Variants in GAK observed in about 807,000 individuals in gnomAD.
GAK encodes the protein cyclin G associated kinase.
In GAK, 79 loss-of-function variants were observed where a neutral mutation model predicts 143.9. The ratio of observed to expected loss-of-function variants is 0.55; its 90% CI spans 0.46 to 0.66. GAK has a LOEUF of 0.66. Ranked by LOEUF, GAK falls within the 30% of genes least tolerant of loss-of-function variation. The probability of loss-of-function intolerance (pLI) is 0.00; values close to 1 mark genes in which losing one functional copy is unlikely to be tolerated. For missense variants in GAK, 1,693 were observed against 1,779.7 expected, an observed-to-expected ratio of 0.95 and a Z score of 0.88; for synonymous variants, 881 against 765.5, an observed-to-expected ratio of 1.15 and a Z score of -2.49.
At chr4:874,391 T>C (rs1713383335) in intron 18 of GAK, among the ~76,000 whole-genome samples, 1 of 152,220 alleles carries the variant, frequency 6.6e-6, no homozygotes, top group Non-Finnish European at 1.5e-5. Flanking sequence ...CTTGCTGAAA[T>C]GGAGCAGTTC....
At chr4:881,838 C>G in intron 15 of GAK, 69 bp downstream of exon 15, 1 of 1,495,290 alleles carries the variant, frequency 6.7e-7, no homozygotes, top group Non-Finnish European at 9.0e-7. Flanking sequence ...CAGGAGACAC[C>G]ACAGCGGGGG....
chr4:920,689 G>A (rs749700647), intron 1 of GAK, among the ~76,000 whole-genome samples: 4 of 151,540 alleles, frequency 2.6e-5, no homozygotes, highest in Non-Finnish European at 4.4e-5. Context: ...GACTACAGGC[G>A]CCCACCACCA....
intron 9 of GAK, 82 bp downstream of exon 9, chr4:893,294 CT>C: frequency 9.9e-7 from 1 of 1,008,250 alleles, no homozygotes; most frequent in African/African-American, 1.7e-5. Flanking sequence ...ATGTGCCTCC[CT>C]CCCCTCTGCG....
At position 932,234 on chromosome 4, in the gene GAK, G is replaced by C. The variant is rs1560462459; in HGVS notation, c.-47C>G. Reference sequence around the variant, plus strand: ...CGCGGCAGCCGGAGTGGTCGGGCTCGGGCTCCCGCTCCCTCGCCGTCCGGG... The same window carrying C: ...CGCGGCAGCCGGAGTGGTCGGGCTCCGGCTCCCGCTCCCTCGCCGTCCGGG... On this transcript the variant is annotated 5_prime_UTR_variant, in exon 1 of 28. Coordinates refer to ENST00000314167, the MANE Select transcript of GAK (RefSeq NM_005255.4). The surrounding 1 kb of genome is among the most constrained non-coding windows in gnomAD (Gnocchi z 4.0). 3 of 1,484,026 alleles carry C rather than the reference G, an allele frequency of 2.0e-6. No homozygotes were observed. The highest frequency in any genetic ancestry group is 8.9e-7 in the Non-Finnish European group (1 of 1,122,010). 91.9% of individuals were successfully genotyped at this position (1,484,026 alleles called of 1,614,324 possible).
intron 7 of GAK, among the ~76,000 whole-genome samples, chr4:895,582 T>C (rs1220745921): frequency 6.6e-6 from 1 of 152,224 alleles, no homozygotes; most frequent in East Asian, 1.9e-4. Context: ...CTGTGGCTGA[T>C]GGCACGGCTG....
intron 1 of GAK, among the ~76,000 whole-genome samples, chr4:924,788 G>A (rs1560447014): frequency 6.6e-6 from 1 of 151,594 alleles, no homozygotes. Context: ...AGGATAGTGA[G>A]TGCTCTCCTG....
intron 23 of GAK, among the ~76,000 whole-genome samples, chr4:861,227 C>T (rs1313351595): frequency 1.3e-5 from 2 of 152,074 alleles, no homozygotes; most frequent in Non-Finnish European, 2.9e-5. Context: ...CAGGTGAACA[C>T]AAGAGTTGCA....
chr4:878,477 T>C (rs971722868), intron 15 of GAK, among the ~76,000 whole-genome samples: 32 of 151,982 alleles, frequency 2.1e-4, no homozygotes, highest in Admixed American at 1.0e-3. Context: ...GCATATTCCA[T>C]GTGCATTTGA....
chr4:932,064 C>T lies in GAK; in HGVS notation c.124G>A (p.Val42Met). 2.5e-6 allele frequency: 4 copies of T among 1,601,470 alleles called. No homozygotes were observed. The South Asian group carries it at 4.5e-5, about 18-fold the overall frequency. Residue 42 changes from valine (V) to methionine (M), a missense_variant, in exon 1 of 28, where the codon GTG (valine) becomes ATG (methionine). Val to Met is a conservative substitution (Grantham distance 21, BLOSUM62 1). This residue lies in a region of GAK where 871 missense variants were observed against 991.0 expected (regional missense o/e 0.88). Coordinates refer to ENST00000314167, the MANE Select transcript of GAK (RefSeq NM_005255.4). This position sits in a 1 kb window ranked among gnomAD's most constrained non-coding sequence, Gnocchi z 4.0. ...TCACCTTCGGCCAGGACCCGCCGCA[C>T]CCGCAGCCGCAGCTCGCCCAGTTCC... ...TVELGELRLR[V>M]RRVLAEGGFA...
chr4:926,813 T>C lies in GAK; in HGVS notation c.145+5230A>G, dbSNP rs867671368. 5.7e-3 allele frequency among the ~76,000 whole-genome samples: 753 copies of C among 132,546 alleles called. 7 individuals are homozygous for C. Among genetic ancestry groups the C allele is most frequent in the African/African-American group, 0.02 (706 of 35,770 alleles). The allele number at this position is 132,546 out of a possible 152,430, so 87.0% of individuals were successfully genotyped here. On this transcript the variant is annotated intron_variant, in intron 1 of 27. Transcript: ENST00000314167. ...CTAACCAAGCCCCAGAGACCCTGCT[T>C]ACCTGCGCTCCGCACTGCCCCGCAC...
chr4:860,735 A>AC (rs1750127946), intron 23 of GAK, among the ~76,000 whole-genome samples: 1 of 149,770 alleles, frequency 6.7e-6, no homozygotes. Context: ...GCCCTGGCGC[A>AC]CCTCGCACTG....
At position 904,727 on chromosome 4, in the gene GAK, G is replaced by C. The variant is rs773921829; in HGVS notation, c.435C>G (p.Cys145Trp). ...GGTAGAAGATCTTCAGAACCGTGTC[G>C]CACGAAAGGGGGCCTCGAGATTCCA... is the stretch of plus-strand genomic sequence containing the variant. ...KKMESRGPLS[C>W]DTVLKIFYQT... Residue 145 changes from cysteine (C) to tryptophan (W), a missense_variant, in exon 5 of 28, where the codon TGC (cysteine) becomes TGG (tryptophan). Coordinates refer to ENST00000314167, the MANE Select transcript of GAK (RefSeq NM_005255.4). The C allele has an allele frequency of 6.2e-7, 1 of 1,614,096 alleles. No individual in the cohort carries two copies. The highest frequency in any genetic ancestry group is 1.1e-5 in the South Asian group (1 of 91,080).
intron 7 of GAK, chr4:894,737 C>T (rs1577208480): frequency 6.6e-6 from 1 of 152,216 alleles, no homozygotes. Context: ...AATCCCAGCA[C>T]TTTGGGAGGC....
chr4:865,463 G>A (rs1751006208), intron 22 of GAK, among the ~76,000 whole-genome samples: 1 of 148,700 alleles, frequency 6.7e-6, no homozygotes, highest in African/African-American at 2.5e-5. Context: ...AGCAGGCGGA[G>A]CAGCTCGCAG....
Position 866,546 on chromosome 4 carries a change from G to A in GAK, c.2873-12C>T. Reference sequence around the variant, plus strand: ...GCCAAAGGGGTCAGCTGTGGGGACAGGCGGGCATGGGGAGGACTCAGCCCG... The same window carrying A: ...GCCAAAGGGGTCAGCTGTGGGGACAAGCGGGCATGGGGAGGACTCAGCCCG... On this transcript the variant is annotated splice_polypyrimidine_tract_variant and intron_variant, in intron 21 of 27. Transcript: ENST00000314167. 1 of 1,611,812 alleles carries A rather than the reference G, an allele frequency of 6.2e-7. No individual in the cohort carries two copies. Among genetic ancestry groups the A allele is most frequent in the African/African-American group, 1.3e-5 (1 of 75,048 alleles).
chr4:889,022 C>T, intron 10 of GAK, 52 bp from the exon 11 acceptor site: 2 of 1,555,676 alleles, frequency 1.3e-6, no homozygotes, highest in Non-Finnish European at 1.7e-6. Context: ...CCCACCTCCC[C>T]AGGTGCGGGT....
chr4:887,794 A>T (rs564799079), intron 11 of GAK: 32 of 152,520 alleles, frequency 2.1e-4, no homozygotes, highest in African/African-American at 7.5e-4. Flanking sequence ...CAATACGAGC[A>T]CTCAGCTCAC....
chr4:851,769 C>G lies in GAK; in HGVS notation c.3489G>C (p.Gly1163=). Residue 1163 remains glycine (G), a synonymous_variant, in exon 25 of 28, where the codon GGG becomes GGC. Transcript: ENST00000314167. ...ACTCACCAAAGCTGGGTGCGCGGAC[C>G]CCCCGCTCCTCCCGCGCCCCGATCA... The part of the protein sequence containing the change: ...FSVIGAREER[G]VRAPSFAQKP... The G allele has an allele frequency of 6.2e-7, 1 of 1,613,326 alleles. No individual in the cohort carries two copies. The highest frequency in any genetic ancestry group is 1.1e-5 in the South Asian group (1 of 91,026).
rs764450220 is a variant in GAK at position 849,924 on chromosome 4, G to A, written c.3802C>T (p.Arg1268Cys). 1.5e-5 allele frequency: 24 copies of A among 1,606,476 alleles called. No individual in the cohort carries two copies. The highest frequency in any genetic ancestry group is 1.7e-4 in the Middle Eastern group (1 of 6,056). The change falls in exon 27 of 28, where the codon CGC becomes TGC. Residue 1268 changes from arginine to cysteine, a missense_variant. Physicochemically the swap from Arg to Cys is radical, Grantham distance 180. This residue lies in a region of GAK where 822 missense variants were observed against 788.7 expected (regional missense o/e 1.04). Transcript: ENST00000314167. ...VAPEQVKKHY[R>C]RAVLAVHPDK... ...GGGTGCACAGCCAGCACCGCGCGGC[G>A]ATAGTGCTTCTTCACTTGCTCCGGA...
Sources: allele counts gnomAD v4.1 joint callset (sites outside exome capture counted in the v4.1 genomes callset), GRCh38; gene constraint gnomAD v4.1.1; regional missense constraint gnomAD v4.1.1; non-coding constraint Gnocchi (gnomAD v3.1); transcripts MANE v1.5; gene names NCBI Gene and HGNC (gene_info 2026-07-23, HGNC 2026-07-21).